MAGI2: variants seen among roughly 807,000 people sequenced by gnomAD.
MAGI2 encodes the protein membrane associated guanylate kinase, WW and PDZ domain containing 2, also known as membrane-associated guanylate kinase, WW and PDZ domain-containing protein 2.
In MAGI2, 35 loss-of-function variants were observed where a neutral mutation model predicts 133.3. The observed-to-expected ratio is 0.26, with a 90% CI of 0.20 to 0.35. MAGI2 has a LOEUF of 0.35. Among genes scored for constraint, MAGI2 ranks in the 10% least tolerant of loss-of-function variants. The pLI is 1.00. For synonymous variants in MAGI2, 729 were observed against 710.6 expected, an observed-to-expected ratio of 1.03 and a Z score of -0.41; for missense variants, 1,636 against 1,863.4, an observed-to-expected ratio of 0.88 and a Z score of 2.25.
intron 1 of MAGI2, among the ~76,000 whole-genome samples, chr7:79,382,313 G>C (rs955592950): frequency 3.3e-5 from 5 of 151,540 alleles, no homozygotes; most frequent in Non-Finnish European, 5.9e-5. Context: ...CATCAAAGCA[G>C]GTTTATTAAC....
intron 1 of MAGI2, among the ~76,000 whole-genome samples, chr7:79,092,128 C>A (rs1296363580): frequency 6.6e-6 from 1 of 152,060 alleles, no homozygotes; most frequent in Admixed American, 6.6e-5. Flanking sequence ...ACATACATTG[C>A]ATTTCTCTCA....
intron 1 of MAGI2, among the ~76,000 whole-genome samples, chr7:79,068,470 G>A (rs1814603598): frequency 2.0e-5 from 3 of 152,096 alleles, no homozygotes; most frequent in Middle Eastern, 3.4e-3. Context: ...GCATTTATTA[G>A]CTTCTTCTCT....
intron 3 of MAGI2, among the ~76,000 whole-genome samples, chr7:78,555,227 T>C (rs566821992): frequency 8.9e-5 from 13 of 146,888 alleles, no homozygotes; most frequent in Admixed American, 7.5e-4. Context: ...GATAGACAGA[T>C]AGATAGATAG....
At chr7:78,185,792 C>CTTTTTT in intron 12 of MAGI2, 122 bp from the exon 13 acceptor site, 1 of 628,848 alleles carries the variant, frequency 1.6e-6, no homozygotes, top group Non-Finnish European at 2.6e-6. Context: ...ATGTTTAAGA[C>CTTTTTT]TTTTTTTTTC....
At chr7:78,423,607 C>T (rs1317887482) in intron 6 of MAGI2, among the ~76,000 whole-genome samples, 1 of 152,118 alleles carries the variant, frequency 6.6e-6, no homozygotes, top group African/African-American at 2.4e-5. Flanking sequence ...TTGGAACTTC[C>T]TAGAGACTTG....
chr7:79,397,767 C>T (rs758126836), intron 1 of MAGI2, among the ~76,000 whole-genome samples: 5 of 152,142 alleles, frequency 3.3e-5, no homozygotes, highest in Non-Finnish European at 7.4e-5. Context: ...CTGCCTCCCC[C>T]TCCAACCTTT....
intron 2 of MAGI2, among the ~76,000 whole-genome samples, chr7:78,856,752 T>C (rs947086516): frequency 1.3e-4 from 20 of 152,214 alleles, no homozygotes; most frequent in Non-Finnish European, 2.8e-4. Context: ...TTTGGTTCCA[T>C]ATGAACTTTA....
intron 6 of MAGI2, among the ~76,000 whole-genome samples, chr7:78,421,364 T>C (rs1349951997): frequency 6.6e-6 from 1 of 152,172 alleles, no homozygotes; most frequent in East Asian, 1.9e-4. Flanking sequence ...TTCTCTGAGG[T>C]GGTTAACAAT....
chr7:78,082,286 G>A (rs1366931131), intron 20 of MAGI2, among the ~76,000 whole-genome samples: 1 of 152,176 alleles, frequency 6.6e-6, no homozygotes, highest in Non-Finnish European at 1.5e-5. Context: ...TAAAGGAGAA[G>A]GCATTAGCCT....
intron 1 of MAGI2, among the ~76,000 whole-genome samples, chr7:79,175,745 G>C (rs1826036576): frequency 6.6e-6 from 1 of 151,948 alleles, no homozygotes; most frequent in South Asian, 2.1e-4. Context: ...GTAGGCTATT[G>C]TAACACAATA....
intron 2 of MAGI2, among the ~76,000 whole-genome samples, chr7:78,699,670 A>T (rs1817870354): frequency 6.6e-6 from 1 of 152,122 alleles, no homozygotes; most frequent in African/African-American, 2.4e-5. Flanking sequence ...GTATTTTCCT[A>T]CTTTACTTGG....
Position 78,078,973 on chromosome 7 carries a change from C to G in MAGI2, c.3680G>C (p.Arg1227Thr). ...ATATTCTGGGACCTGTCCCGTGCCT[C>G]TCTTGAGCAGCAGCCTCACTCGTCT... is the stretch of plus-strand genomic sequence containing the variant. ...GGRRVRLLLK[R>T]GTGQVPEYDE... The change falls in exon 21 of 22, where the codon AGA (arginine) becomes ACA (threonine). Residue 1227 changes from arginine to threonine, a missense_variant. Coordinates refer to ENST00000354212, the MANE Select transcript of MAGI2 (RefSeq NM_012301.4). The G allele has an allele frequency of 6.2e-7, 1 of 1,613,786 alleles. No homozygotes were observed. Among genetic ancestry groups the G allele is most frequent in the Non-Finnish European group, 8.5e-7 (1 of 1,179,954 alleles).
At chr7:79,262,632 G>T (rs1349848288) in intron 1 of MAGI2, among the ~76,000 whole-genome samples, 1 of 152,186 alleles carries the variant, frequency 6.6e-6, no homozygotes, top group Non-Finnish European at 1.5e-5. Flanking sequence ...TAGATGGAAA[G>T]TATCACCACA....
intron 6 of MAGI2, among the ~76,000 whole-genome samples, chr7:78,472,142 A>T (rs533117011): frequency 3.3e-5 from 5 of 152,182 alleles, no homozygotes; most frequent in African/African-American, 1.2e-4. Flanking sequence ...TTTGCAGATG[A>T]TCATCTCTTA....
chr7:78,902,971 T>C (rs1217330192), intron 2 of MAGI2, among the ~76,000 whole-genome samples: 1 of 152,092 alleles, frequency 6.6e-6, no homozygotes. Flanking sequence ...TCTTCTCAGA[T>C]TCCCCCAAAT....
chr7:79,377,419 C>T (rs557825809), intron 1 of MAGI2, among the ~76,000 whole-genome samples: 74 of 151,816 alleles, frequency 4.9e-4, no homozygotes, highest in African/African-American at 1.7e-3. Context: ...AAGCATTTTC[C>T]GCTGGAGGAC....
At chr7:79,422,465 C>G (rs539988789) in intron 1 of MAGI2, among the ~76,000 whole-genome samples, 29 of 151,822 alleles carry the variant, frequency 1.9e-4, no homozygotes, top group Admixed American at 5.9e-4. Flanking sequence ...ATTATAATAT[C>G]AAACAATATA....
At chr7:79,426,152 C>A (rs747884089) in intron 1 of MAGI2, among the ~76,000 whole-genome samples, 4 of 152,136 alleles carry the variant, frequency 2.6e-5, no homozygotes, top group Non-Finnish European at 5.9e-5. Flanking sequence ...TAGTTATACT[C>A]TAAACCTAAC....
At chr7:79,439,550 T>G (rs1848367072) in intron 1 of MAGI2, among the ~76,000 whole-genome samples, 1 of 152,172 alleles carries the variant, frequency 6.6e-6, no homozygotes, top group Non-Finnish European at 1.5e-5. Flanking sequence ...CACAGTGTTT[T>G]AAAGTTTGCT....
Sources: allele counts gnomAD v4.1 joint callset (sites outside exome capture counted in the v4.1 genomes callset), GRCh38; gene constraint gnomAD v4.1.1; transcripts MANE v1.5; gene names NCBI Gene and HGNC (gene_info 2026-07-23, HGNC 2026-07-21).